The following NOS3 variants were observed in gnomAD, a reference collection of about 807,000 sequenced individuals.
NOS3 encodes NOS type III.
In NOS3, 98 loss-of-function variants were observed where a neutral mutation model predicts 144.9. The ratio of observed to expected loss-of-function variants is 0.68; its 90% CI spans 0.57 to 0.80. NOS3 has a LOEUF of 0.80. NOS3 is among the 30% of genes least tolerant of loss of function. NOS3 has a pLI of 0.00. For missense variants in NOS3, 1,465 were observed against 1,656.4 expected (o/e 0.88, Z 2.01); for synonymous variants, 714 against 702.4 (o/e 1.02, Z -0.26).
chr7:150,998,705 G>A lies in NOS3; in HGVS notation c.816+25G>A. 5 of 1,593,390 alleles carry A rather than the reference G, an allele frequency of 3.1e-6. No homozygotes were observed. The highest frequency in any genetic ancestry group is 4.3e-6 in the Non-Finnish European group (5 of 1,171,222). ...GGTGGGCACCGAGGGCCACCCATGA[G>A]GGTGTCCCCAAGGTGGAGAATGAGG... On this transcript the variant is annotated intron_variant, in intron 7 of 26. Coordinates refer to ENST00000297494, the MANE Select transcript of NOS3 (RefSeq NM_000603.5). The surrounding 1 kb of genome is among the most constrained non-coding windows in gnomAD (Gnocchi z 5.0).
In NOS3 at chr7:151,011,438, G is replaced by T. The variant is rs1457503841; in HGVS notation, c.2984+452G>T. 2.0e-5 allele frequency among the ~76,000 whole-genome samples: 3 copies of T among 151,136 alleles called. No homozygotes were observed. The East Asian group carries it at 6.1e-4, about 31-fold the overall frequency. On this transcript the variant is annotated intron_variant, in intron 23 of 26. Transcript: ENST00000297494. The stretch of plus-strand genomic sequence containing the variant: ...GGTTTTTTTTTCCCCCAGAGATGGA[G>T]TCTTGCTCTGTCGCCCAGGCTGGAG...
At chr7:151,005,887 G>A (rs1037209901) in intron 14 of NOS3, among the ~76,000 whole-genome samples, 11 of 152,180 alleles carry the variant, frequency 7.2e-5, no homozygotes, top group Non-Finnish European at 1.3e-4. Context: ...AATTAACCAA[G>A]AGTGGTGGCA....
rs1795287015 is a variant in NOS3, at chr7:151,010,760, C to T, written c.2849C>T (p.Pro950Leu). 3.1e-6 allele frequency: 5 copies of T among 1,613,532 alleles called. No individual in the cohort carries two copies. The highest frequency in any genetic ancestry group is 4.2e-6 in the Non-Finnish European group (5 of 1,179,792). Residue 950 changes from proline to leucine, a missense_variant, in exon 22 of 27, where the codon CCA (proline) becomes CTA (leucine). Physicochemically the swap from Pro to Leu is moderately conservative, Grantham distance 98. Transcript: ENST00000297494. ...GTCAGCTCGGCACCCAGCACCCACCCAGGAGAGATCCACCTCACTGTAGCT... is the reference window on the plus strand; with the variant it reads ...GTCAGCTCGGCACCCAGCACCCACCTAGGAGAGATCCACCTCACTGTAGCT... ...YSVSSAPSTH[P>L]GEIHLTVAVL...
rs1389003111 is a variant in NOS3 at position 150,993,593 on chromosome 7, C to A, written c.-51-160C>A. On this transcript the variant is annotated intron_variant, in intron 1 of 26. Transcript: ENST00000297494. This position sits in a 1 kb window ranked among gnomAD's most constrained non-coding sequence, Gnocchi z 4.0. ...CACAGCGGAACCCAGGCGTCCGGCCCCCCACCCTTCAGGCCAGCGGGCGTG... is the reference window on the plus strand; with the variant it reads ...CACAGCGGAACCCAGGCGTCCGGCCACCCACCCTTCAGGCCAGCGGGCGTG... Among the ~76,000 whole-genome samples, 1 of 152,146 alleles carries A rather than the reference C, an allele frequency of 6.6e-6. No individual in the cohort carries two copies. Among genetic ancestry groups the A allele is most frequent in the Non-Finnish European group, 1.5e-5 (1 of 68,006 alleles).
intron 18 of NOS3, 55 bp downstream of exon 18, chr7:151,009,117 G>A: frequency 6.2e-7 from 1 of 1,613,164 alleles, no homozygotes; most frequent in South Asian, 1.1e-5. Flanking sequence ...CCACACCCCG[G>A]GACTAAAGCA....
intron 14 of NOS3, among the ~76,000 whole-genome samples, chr7:151,006,073 G>A (rs1001588659): frequency 6.6e-6 from 1 of 152,120 alleles, no homozygotes; most frequent in African/African-American, 2.4e-5. Flanking sequence ...CTGGAGGGAT[G>A]TCTGCAATAA....
At position 151,013,474 on chromosome 7, in the gene NOS3, G is replaced by A. The variant is rs566105846; in HGVS notation, c.3255+95G>A. 6.8e-6 allele frequency: 10 copies of A among 1,462,768 alleles called. No individual in the cohort carries two copies. In the African/African-American group the frequency reaches 7.0e-5, roughly 10 times the overall value. The allele number at this position is 1,462,768 out of a possible 1,614,324, so 90.6% of individuals were successfully genotyped here. On this transcript the variant is annotated intron_variant, in intron 25 of 26. Coordinates refer to ENST00000297494, the MANE Select transcript of NOS3 (RefSeq NM_000603.5). Reference sequence around the variant, plus strand: ...GGGGCACACCAACCACGGCCCTCCCGTGGCCTCCCACGACCACTCAGCCAC... The same window carrying A: ...GGGGCACACCAACCACGGCCCTCCCATGGCCTCCCACGACCACTCAGCCAC...
chr7:150,994,751 A>G (rs1032840219), intron 2 of NOS3, among the ~76,000 whole-genome samples: 2 of 152,102 alleles, frequency 1.3e-5, no homozygotes, highest in African/African-American at 4.8e-5. Context: ...GGAGGAAGTG[A>G]TAAGGCCTGC....
intron 2 of NOS3, 34 bp from the exon 3 acceptor site, chr7:150,995,169 C>T: frequency 7.8e-7 from 1 of 1,276,936 alleles, no homozygotes; most frequent in Admixed American, 1.8e-5. Context: ...GGAAACAAAC[C>T]CTTCCTGATG....
At chr7:150,997,194 G>A (rs887738094) in intron 5 of NOS3, among the ~76,000 whole-genome samples, 2 of 125,812 alleles carry the variant, frequency 1.6e-5, no homozygotes, top group African/African-American at 6.7e-5. Flanking sequence ...CTGCAGGGGT[G>A]AGGAAGTCTA....
In NOS3 at chr7:150,992,936, C is replaced by T. The variant is rs556217230; in HGVS notation, c.-51-817C>T. Among the ~76,000 whole-genome samples, 5 of 152,286 alleles carry T rather than the reference C, an allele frequency of 3.3e-5. No individual in the cohort carries two copies. In the East Asian group the frequency reaches 5.8e-4, roughly 18 times the overall value. ...GTGTACCCCACCTGCATTCTGGGAA[C>T]TGTAGTTTCCCTAGTCCCCCATGCT... is the stretch of plus-strand genomic sequence containing the variant. On this transcript the variant is annotated intron_variant, in intron 1 of 26. Transcript: ENST00000297494.
At chr7:150,994,109 A>C in intron 2 of NOS3, 148 bp downstream of exon 2, 1 of 862,522 alleles carries the variant, frequency 1.2e-6, no homozygotes, top group Non-Finnish European at 1.8e-6. Context: ...AGAACAGGAC[A>C]GTCTGGGAGG....
At chr7:151,012,811 G>T (rs1425342082) in intron 24 of NOS3, 4 of 339,660 alleles carry the variant, frequency 1.2e-5, no homozygotes, top group Non-Finnish European at 2.2e-5. Context: ...AAGACCTAAG[G>T]ATGCTACAAG....
Position 151,010,607 on chromosome 7 carries a change from G to A in NOS3, c.2696G>A (p.Arg899His), listed in dbSNP as rs138139729. Reference sequence around the variant, plus strand: ...ATCCTGCCCCGCCAGGATCCCCGACGCTACGAGGAGTGGAAGTGGTTCCGC... The same window carrying A: ...ATCCTGCCCCGCCAGGATCCCCGACACTACGAGGAGTGGAAGTGGTTCCGC... ...ELEALSQDPR[R>H]YEEWKWFRCP... Residue 899 changes from arginine to histidine, a missense_variant, in exon 22 of 27, where the codon CGC becomes CAC. Arg to His is a conservative substitution (Grantham distance 29). Transcript: ENST00000297494. 5.7e-5 allele frequency: 91 copies of A among 1,591,776 alleles called. No homozygotes were observed. The highest frequency in any genetic ancestry group is 8.1e-5 in the African/African-American group (6 of 74,514).
Position 151,014,537 on chromosome 7 carries a change from A to C in NOS3, c.*368A>C, listed in dbSNP as rs1312672261. The C allele has an allele frequency of 1.8e-5, 4 of 225,338 alleles. No homozygotes were observed. The highest frequency in any genetic ancestry group is 1.0e-4 in the Admixed American group (2 of 19,206). The allele number at this position is 225,338 out of a possible 1,614,324, so 14.0% of individuals were successfully genotyped here. ...GTATTTATTATTGAAGATTTACCATAAGGGACTGTGCCAGATGTTAGGAGA... is the reference window on the plus strand; with the variant it reads ...GTATTTATTATTGAAGATTTACCATCAGGGACTGTGCCAGATGTTAGGAGA... On this transcript the variant is annotated 3_prime_UTR_variant, in exon 27 of 27. Transcript: ENST00000297494.
rs202077817 is a variant in NOS3 at position 150,999,149 on chromosome 7, G to A, written c.957-41G>A. 2.1e-4 allele frequency: 341 copies of A among 1,610,948 alleles called. 3 individuals carry two copies. Among genetic ancestry groups the A allele is most frequent in the Non-Finnish European group, 4.2e-5 (49 of 1,179,356 alleles). ...GCCATCCCTGAGCCTCTCAAGAAGG[G>A]CCTGCAAGGGGGTGCTGATCCCACA... On this transcript the variant is annotated intron_variant, in intron 8 of 26. Coordinates refer to ENST00000297494, the MANE Select transcript of NOS3 (RefSeq NM_000603.5).
rs1204709629 is a variant in NOS3 at position 151,001,824 on chromosome 7, C to T, written c.1506C>T (p.Ala502=). Residue 502 remains alanine, a synonymous_variant, in exon 13 of 27, where the codon GCC becomes GCT. Transcript: ENST00000297494. ...CTCACACCTTCCTCTCCCGCAGCGC[C>T]GTGAAGATCTCCGCCTCGCTCATGG... ...RKKTFKEVAN[A]VKISASLMGT... 4 of 1,613,706 alleles carry T rather than the reference C, an allele frequency of 2.5e-6. No homozygotes were observed. Among genetic ancestry groups the T allele is most frequent in the South Asian group, 1.1e-5 (1 of 91,080 alleles).
Position 151,001,962 on chromosome 7 carries a change from C to T in NOS3, c.1644C>T (p.Pro548=), listed in dbSNP as rs1256519473. 7 of 1,613,390 alleles carry T rather than the reference C, an allele frequency of 4.3e-6. No homozygotes were observed. The highest frequency in any genetic ancestry group is 5.9e-6 in the Non-Finnish European group (7 of 1,180,006). The change falls in exon 13 of 27, where the codon CCC becomes CCT. Residue 548 remains proline (P), a synonymous_variant. Transcript: ENST00000297494. ...LGRLFRKAFD[P]RVLCMDEYDV... ...GACTCTTCCGGAAGGCTTTTGATCCCCGGGTAGGGCTGAGCCCAGGGGAGC... is the reference window on the plus strand; with the variant it reads ...GACTCTTCCGGAAGGCTTTTGATCCTCGGGTAGGGCTGAGCCCAGGGGAGC...
In NOS3 at chr7:151,009,402, G is replaced by A; in HGVS notation, c.2329G>A (p.Ala777Thr). The change falls in exon 20 of 27, where the codon GCC becomes ACC. Residue 777 changes from alanine to threonine, a missense_variant. Transcript: ENST00000297494. ...TGCCCCTCTCCCCACCCCCAGGAGG[G>A]CCACCATCCTGGTGCGCCTGGACAC... ...ENLQSSKSTR[A>T]TILVRLDTGG... 2 of 1,533,232 alleles carry A rather than the reference G, an allele frequency of 1.3e-6. No homozygotes were observed. The highest frequency in any genetic ancestry group is 1.8e-6 in the Non-Finnish European group (2 of 1,136,644). 95.0% of individuals were successfully genotyped at this position (1,533,232 alleles called of 1,614,324 possible). A position where few individuals can be genotyped will look rare whatever the true frequency, so the allele number is the denominator to read the frequency against.
Sources: allele counts gnomAD v4.1 joint callset (sites outside exome capture counted in the v4.1 genomes callset), GRCh38; gene constraint gnomAD v4.1.1; non-coding constraint Gnocchi (gnomAD v3.1); transcripts MANE v1.5; gene names NCBI Gene and HGNC (gene_info 2026-07-23, HGNC 2026-07-21).